The following EPHA6 variants were observed in gnomAD, a reference collection of about 807,000 sequenced individuals.
EPHA6 encodes the protein ephrin type-A receptor 6.
A neutral mutation model predicts 112.0 loss-of-function variants in EPHA6; 50 were observed. That is an observed-to-expected ratio of 0.45 (90% CI 0.36 to 0.56). The LOEUF (loss-of-function observed/expected upper bound fraction) is 0.56, where lower values mean the gene tolerates loss of function less well. Ranked by LOEUF, EPHA6 falls within the 20% of genes least tolerant of loss-of-function variation. EPHA6 has a pLI of 0.00. For missense variants in EPHA6, 1,280 were observed against 1,417.4 expected (o/e 0.90, Z 1.56); for synonymous variants, 529 against 490.7 (o/e 1.08, Z -1.03).
At chr3:97,040,201 TTA>T (rs1360121017) in intron 3 of EPHA6, among the ~76,000 whole-genome samples, 1 of 151,876 alleles carries the variant, frequency 6.6e-6, no homozygotes, top group Non-Finnish European at 1.5e-5. Flanking sequence ...AATCCTGGAT[TTA>T]AGCATTCTTA....
At chr3:97,007,377 T>C (rs534567234) in intron 3 of EPHA6, among the ~76,000 whole-genome samples, 10 of 152,296 alleles carry the variant, frequency 6.6e-5, no homozygotes, top group African/African-American at 2.4e-4. Flanking sequence ...TTGTCTTTTT[T>C]GATCTCTGTT....
intron 14 of EPHA6, among the ~76,000 whole-genome samples, chr3:97,667,936 C>T (rs1156671623): frequency 1.3e-5 from 2 of 152,206 alleles, no homozygotes; most frequent in African/African-American, 2.4e-5. Context: ...AGTAAATACC[C>T]TTGCCTTACA....
chr3:97,290,499 T>C (rs996631288), intron 5 of EPHA6, among the ~76,000 whole-genome samples: 1 of 152,182 alleles, frequency 6.6e-6, no homozygotes, highest in Non-Finnish European at 1.5e-5. Flanking sequence ...GTTAGTTTTC[T>C]GCATTGGTGA....
intron 13 of EPHA6, among the ~76,000 whole-genome samples, chr3:97,622,485 T>TATCCACA (rs2093822025): frequency 6.6e-6 from 1 of 151,816 alleles, no homozygotes; most frequent in Non-Finnish European, 1.5e-5. Context: ...ATTTTGCTTA[T>TATCCACA]CCATTCATCT....
At chr3:97,206,994 T>G (rs1460553061) in intron 3 of EPHA6, among the ~76,000 whole-genome samples, 1 of 152,134 alleles carries the variant, frequency 6.6e-6, no homozygotes, top group African/African-American at 2.4e-5. Flanking sequence ...GAGAGCTAAA[T>G]ATATTCATCA....
chr3:97,577,477 G>A (rs1460424723), intron 11 of EPHA6, among the ~76,000 whole-genome samples: 2 of 151,498 alleles, frequency 1.3e-5, no homozygotes, highest in Non-Finnish European at 2.9e-5. Flanking sequence ...ATACATCTAA[G>A]CATCAGGCAT....
rs1560020907 is a variant in EPHA6, at chr3:97,448,747, G to C, written c.1894+17G>C. On this transcript the variant is annotated intron_variant, in intron 7 of 17. Coordinates refer to ENST00000389672, the MANE Select transcript of EPHA6 (RefSeq NM_001080448.3). Reference sequence around the variant, plus strand: ...GAGATGAAAGTAAGTTTCACACAAGGATATAACATAAGATGTGAATTTAGT... The same window carrying C: ...GAGATGAAAGTAAGTTTCACACAAGCATATAACATAAGATGTGAATTTAGT... The C allele has an allele frequency of 1.2e-6, 2 of 1,611,702 alleles. No individual in the cohort carries two copies. The highest frequency in any genetic ancestry group is 8.5e-7 in the Non-Finnish European group (1 of 1,178,134).
chr3:96,977,112 G>T (rs771536789), intron 2 of EPHA6, among the ~76,000 whole-genome samples: 1 of 152,160 alleles, frequency 6.6e-6, no homozygotes, highest in Non-Finnish European at 1.5e-5. Context: ...GCTGCCTAGG[G>T]TCTTAGGAGT....
intron 1 of EPHA6, among the ~76,000 whole-genome samples, chr3:96,861,903 A>G (rs527367335): frequency 6.6e-6 from 1 of 152,066 alleles, no homozygotes. Flanking sequence ...AGGAGTCAAC[A>G]TAATTCAGTG....
chr3:97,327,319 T>TA (rs975077219), intron 5 of EPHA6, among the ~76,000 whole-genome samples: 68 of 152,158 alleles, frequency 4.5e-4, no homozygotes, highest in African/African-American at 1.6e-3. Flanking sequence ...CATGCAAATA[T>TA]AAGAAATAAT....
chr3:97,633,426 GT>G (rs2093920383), intron 13 of EPHA6, among the ~76,000 whole-genome samples: 1 of 152,004 alleles, frequency 6.6e-6, no homozygotes, highest in Non-Finnish European at 1.5e-5. Flanking sequence ...AAAATTCATA[GT>G]TTCTTTTAGA....
At chr3:97,666,508 T>C (rs1000990339) in intron 14 of EPHA6, among the ~76,000 whole-genome samples, 3 of 152,218 alleles carry the variant, frequency 2.0e-5, no homozygotes, top group Non-Finnish European at 4.4e-5. Context: ...ATCCTTGATG[T>C]TCCTTGGCTA....
Position 97,261,277 on chromosome 3 carries a change from G to A in EPHA6, c.1606+16990G>A, listed in dbSNP as rs1454567622. On this transcript the variant is annotated intron_variant, in intron 5 of 17. Coordinates refer to ENST00000389672, the MANE Select transcript of EPHA6 (RefSeq NM_001080448.3). The stretch of plus-strand genomic sequence containing the variant: ...TTTTCTAGTCTAAGAAAACAAGGAA[G>A]TAAATGGACAGATTCATTAGAATCT... 1.5e-4 allele frequency among the ~76,000 whole-genome samples: 23 copies of A among 152,308 alleles called. 1 individual carries two copies. The highest frequency in any genetic ancestry group is 7.4e-5 in the Non-Finnish European group (5 of 68,018).
intron 2 of EPHA6, among the ~76,000 whole-genome samples, chr3:96,915,241 T>C (rs985734916): frequency 6.6e-6 from 1 of 152,054 alleles, no homozygotes; most frequent in Non-Finnish European, 1.5e-5. Flanking sequence ...TCTGTTTCTT[T>C]ACTCTTAAGT....
At chr3:96,944,357 G>C (rs77638953) in intron 2 of EPHA6, among the ~76,000 whole-genome samples, 2,022 of 145,690 alleles carry the variant, frequency 0.014, 45 homozygotes, top group African/African-American at 0.046. Context: ...TCTCTGGCTC[G>C]TTTCTCTTCC....
chr3:97,193,053 A>G (rs980717262), intron 3 of EPHA6, among the ~76,000 whole-genome samples: 14 of 152,124 alleles, frequency 9.2e-5, no homozygotes, highest in African/African-American at 2.9e-4. Context: ...TCTGTAGTAT[A>G]ACCTGGAGTC....
rs563290469 is a variant in EPHA6 at position 97,614,702 on chromosome 3, G to A, written c.2574+3848G>A. Among the ~76,000 whole-genome samples, 6 of 151,944 alleles carry A rather than the reference G, an allele frequency of 3.9e-5. No homozygotes were observed. In the East Asian group the frequency reaches 7.7e-4, roughly 20 times the overall value. The stretch of plus-strand genomic sequence containing the variant: ...ATCACTTAGGCAAATAAGAAAGGGG[G>A]TCATCTATAAACCAAAAATCTAGGA... On this transcript the variant is annotated intron_variant, in intron 13 of 17. Coordinates refer to ENST00000389672, the MANE Select transcript of EPHA6 (RefSeq NM_001080448.3).
chr3:96,912,089 C>T (rs920929693), intron 2 of EPHA6, among the ~76,000 whole-genome samples: 2 of 152,054 alleles, frequency 1.3e-5, no homozygotes, highest in Non-Finnish European at 2.9e-5. Context: ...AGACAAGATT[C>T]ACTTTTCAAA....
intron 11 of EPHA6, among the ~76,000 whole-genome samples, chr3:97,548,178 G>A (rs191034825): frequency 7.9e-4 from 120 of 152,258 alleles, no homozygotes; most frequent in African/African-American, 2.5e-3. Context: ...GCTGTAGACC[G>A]GAGCTGTTCG....
Sources: allele counts gnomAD v4.1 joint callset (sites outside exome capture counted in the v4.1 genomes callset), GRCh38; gene constraint gnomAD v4.1.1; transcripts MANE v1.5; gene names NCBI Gene and HGNC (gene_info 2026-07-23, HGNC 2026-07-21).